The following UNC5A variants were observed in gnomAD, a reference collection of about 807,000 sequenced individuals.
UNC5A encodes unc-5 netrin receptor A, also known as netrin receptor UNC5A.
In UNC5A, 20 loss-of-function variants were observed where a neutral mutation model predicts 87.4. The ratio of observed to expected loss-of-function variants is 0.23; its 90% CI spans 0.16 to 0.33. The LOEUF (loss-of-function observed/expected upper bound fraction) is 0.33, where lower values mean the gene tolerates loss of function less well. UNC5A is among the 10% of genes least tolerant of loss of function. The probability of loss-of-function intolerance (pLI) is 1.00; values close to 1 mark genes in which losing one functional copy is unlikely to be tolerated. For missense variants in UNC5A, 844 were observed against 1,133.4 expected (o/e 0.74, Z 3.67); for synonymous variants, 438 against 482.3 (o/e 0.91, Z 1.20).
Position 176,862,691 on chromosome 5 carries a change from C to G in UNC5A, c.138C>G (p.Phe46Leu), listed in dbSNP as rs1172715235. ...CCAACCCGGACCTGCTTCCCCACTT[C>G]CTGGTGGAGCCCGAGGATGTGTACA... ...PGANPDLLPH[F>L]LVEPEDVYIV... Residue 46 changes from phenylalanine (F) to leucine (L), a missense_variant, in exon 2 of 15, where the codon TTC (phenylalanine) becomes TTG (leucine). Around this residue, in one of 3 missense-constraint regions of UNC5A, gnomAD observed 314 missense variants for 466.5 expected, o/e 0.67. Transcript: ENST00000329542. 6.2e-7 allele frequency: 1 copy of G among 1,613,614 alleles called. No individual in the cohort carries two copies. Among genetic ancestry groups the G allele is most frequent in the Non-Finnish European group, 8.5e-7 (1 of 1,179,984 alleles).
intron 1 of UNC5A, 48 bp from the exon 2 acceptor site, chr5:176,862,576 C>T (rs1177110390): frequency 6.4e-7 from 1 of 1,573,418 alleles, no homozygotes; most frequent in South Asian, 1.1e-5. Context: ...TGCCTCTACC[C>T]TGCCCAGTCT....
chr5:176,836,331 T>G (rs1400840320), intron 1 of UNC5A, among the ~76,000 whole-genome samples: 2 of 152,182 alleles, frequency 1.3e-5, no homozygotes, highest in African/African-American at 4.8e-5. Context: ...TGGTCACGCC[T>G]CCTCAGGGGA....
chr5:176,880,229 A>G lies in UNC5A; in HGVS notation c.*343A>G, dbSNP rs997955395. ...CCAGGGGCCCCGCATACACACGGCC[A>G]TGCACGCACACACTGGGCCTGGGCC... On this transcript the variant is annotated 3_prime_UTR_variant, in exon 15 of 15. Coordinates refer to ENST00000329542, the MANE Select transcript of UNC5A (RefSeq NM_133369.3). The G allele has an allele frequency of 4.4e-6, 1 of 225,670 alleles. No individual in the cohort carries two copies. Among genetic ancestry groups the G allele is most frequent in the Non-Finnish European group, 8.8e-6 (1 of 113,332 alleles). The allele number at this position is 225,670 out of a possible 1,614,324, so 14.0% of individuals were successfully genotyped here. A position where few individuals can be genotyped will look rare whatever the true frequency, so the allele number is the denominator to read the frequency against.
At chr5:176,840,196 G>A (rs938590152) in intron 1 of UNC5A, among the ~76,000 whole-genome samples, 2 of 152,172 alleles carry the variant, frequency 1.3e-5, no homozygotes, top group Admixed American at 6.5e-5. Context: ...CCTTGCTGGC[G>A]TTGGCCCAGG....
At chr5:176,860,699 C>T (rs1382313078) in intron 1 of UNC5A, among the ~76,000 whole-genome samples, 2 of 152,182 alleles carry the variant, frequency 1.3e-5, no homozygotes, top group African/African-American at 4.8e-5. Context: ...CTACGACAGA[C>T]CCCAGCAGAG....
chr5:176,879,990 G>C lies in UNC5A; in HGVS notation c.*104G>C. Reference sequence around the variant, plus strand: ...TCCCCACACCGGGGAGAGCTGCTCGGACAGGCCCCCTCCCGGCCGAAGCTG... The same window carrying C: ...TCCCCACACCGGGGAGAGCTGCTCGCACAGGCCCCCTCCCGGCCGAAGCTG... On this transcript the variant is annotated 3_prime_UTR_variant, in exon 15 of 15. Transcript: ENST00000329542. 7.1e-7 allele frequency: 1 copy of C among 1,415,988 alleles called. No homozygotes were observed. The highest frequency in any genetic ancestry group is 9.4e-7 in the Non-Finnish European group (1 of 1,067,104). 87.7% of individuals were successfully genotyped at this position (1,415,988 alleles called of 1,614,324 possible).
chr5:176,858,238 G>A (rs1373222459), intron 1 of UNC5A, among the ~76,000 whole-genome samples: 1 of 152,252 alleles, frequency 6.6e-6, no homozygotes, highest in African/African-American at 2.4e-5. Flanking sequence ...ACAGGCCCTA[G>A]ATGCAGAGAG....
chr5:176,867,313 G>A (rs1407256938), intron 2 of UNC5A, among the ~76,000 whole-genome samples: 2 of 152,166 alleles, frequency 1.3e-5, no homozygotes, highest in African/African-American at 2.4e-5. Flanking sequence ...CCTGCCTCAG[G>A]CCAGATATGG....
chr5:176,864,218 G>A (rs755547458), intron 2 of UNC5A, among the ~76,000 whole-genome samples: 4 of 152,104 alleles, frequency 2.6e-5, no homozygotes, highest in Non-Finnish European at 5.9e-5. Flanking sequence ...ACCTGGAAAG[G>A]GCATCTCCCA....
At chr5:176,846,526 TCTC>T (rs758319732) in intron 1 of UNC5A, among the ~76,000 whole-genome samples, 71 of 152,076 alleles carry the variant, frequency 4.7e-4, no homozygotes, top group Non-Finnish European at 8.8e-4. Flanking sequence ...CTTGGTGACA[TCTC>T]CTCCAGGAAG....
At chr5:176,864,998 C>T in intron 2 of UNC5A, 2 of 358,658 alleles carry the variant, frequency 5.6e-6, no homozygotes, top group South Asian at 4.1e-5. Flanking sequence ...CCCTCCCCTC[C>T]CTGGGCTCAG....
chr5:176,876,025 G>T (rs933845087), intron 8 of UNC5A, among the ~76,000 whole-genome samples: 2 of 152,218 alleles, frequency 1.3e-5, no homozygotes, highest in African/African-American at 4.8e-5. Flanking sequence ...TCCCCAGGCC[G>T]GGGGGTGGCT....
intron 6 of UNC5A, among the ~76,000 whole-genome samples, chr5:176,873,201 C>A (rs1245055238): frequency 1.3e-5 from 2 of 152,214 alleles, no homozygotes; most frequent in Non-Finnish European, 2.9e-5. Flanking sequence ...ACTCGCCCAA[C>A]ACCACAGCTT....
At chr5:176,847,128 A>AC (rs1458346865) in intron 1 of UNC5A, among the ~76,000 whole-genome samples, 1 of 151,752 alleles carries the variant, frequency 6.6e-6, no homozygotes, top group Non-Finnish European at 1.5e-5. Context: ...GGTCTGCCTC[A>AC]CCCCCGTTCG....
At chr5:176,828,039 C>A (rs531077959) in intron 1 of UNC5A, among the ~76,000 whole-genome samples, 1 of 152,200 alleles carries the variant, frequency 6.6e-6, no homozygotes, top group Non-Finnish European at 1.5e-5. Context: ...ACCCTGTGGA[C>A]CCTGTTTCCC....
chr5:176,867,902 G>A (rs1441053574), intron 2 of UNC5A, among the ~76,000 whole-genome samples: 2 of 152,010 alleles, frequency 1.3e-5, no homozygotes, highest in African/African-American at 2.4e-5. Context: ...CTGCCTGCCC[G>A]GGGCCTTCAG....
intron 1 of UNC5A, among the ~76,000 whole-genome samples, chr5:176,858,772 A>AAGGAAGGAAGGAAGGAAGGCAGGC (rs1304121118): frequency 2.1e-4 from 30 of 140,192 alleles, no homozygotes; most frequent in African/African-American, 8.1e-4. Context: ...GGAAGGAAGG[A>AAGGAAGGAAGGAAGGAAGGCAGGC]AGGCAAGCAA....
rs148894915 is a variant in UNC5A, at chr5:176,861,509, C to T, written c.71-1115C>T. Among the ~76,000 whole-genome samples the T allele has an allele frequency of 7.2e-5, 11 of 152,284 alleles. No individual in the cohort carries two copies. In the East Asian group the frequency reaches 7.7e-4, roughly 11 times the overall value. On this transcript the variant is annotated intron_variant, in intron 1 of 14. Transcript: ENST00000329542. ...GAGAGGGTCCCTGCGCAAGCAGGAG[C>T]GAAAGGGGCAGTGGGCCAGGCGTAT...
At chr5:176,858,711 A>AAG (rs56714208) in intron 1 of UNC5A, among the ~76,000 whole-genome samples, 10 of 64,486 alleles carry the variant, frequency 1.6e-4, no homozygotes, top group Admixed American at 1.9e-4. Flanking sequence ...GAAAGAAAGA[A>AAG]AGAGAGAGAG....
Sources: gnomAD v4.1 joint callset for allele counts (sites outside exome capture counted in the v4.1 genomes callset) on GRCh38, gnomAD v4.1.1 for gene constraint, gnomAD v4.1.1 regional missense constraint, MANE v1.5 for transcripts, NCBI Gene and HGNC (gene_info 2026-07-23, HGNC 2026-07-21) for gene names.